Variants in ZRSR2 observed in about 807,000 individuals in gnomAD.
ZRSR2 encodes the protein U2 small nuclear ribonucleoprotein auxiliary factor 35 kDa subunit-related protein 2.
A neutral mutation model predicts 39.4 loss-of-function variants in ZRSR2; 3 were observed. That is an observed-to-expected ratio of 0.08 (90% CI 0.03 to 0.20). ZRSR2 has a LOEUF of 0.20. Ranked by LOEUF, ZRSR2 falls within the 10% of genes least tolerant of loss-of-function variation. ZRSR2 has a pLI of 1.00. For missense variants in ZRSR2, 256 were observed against 391.5 expected (o/e 0.65, Z 2.92); for synonymous variants, 137 against 136.0 (o/e 1.01, Z -0.05).
intron 2 of ZRSR2, among the ~76,000 whole-genome samples, chrX:15,791,877 G>A (rs1043432965): frequency 9.0e-6 from 1 of 110,681 alleles, no homozygotes; most frequent in African/African-American, 3.3e-5. Context: ...GGCCAGGCTG[G>A]TTTCGAACTT....
chrX:15,807,260 A>G lies in ZRSR2; in HGVS notation c.400-973A>G, dbSNP rs571568048. Among the ~76,000 whole-genome samples the G allele has an allele frequency of 2.2e-3, 248 of 111,629 alleles. 1 individual carries two copies. Among genetic ancestry groups the G allele is most frequent in the Middle Eastern group, 4.7e-3 (1 of 215 alleles). ...CTGCTAAATGTTTATGATTTCATCT[A>G]GCATTGTTTTTTGGGTTTTTTCGTT... On this transcript the variant is annotated intron_variant, in intron 5 of 10. Transcript: ENST00000307771.
intron 1 of ZRSR2, 115 bp from the exon 2 acceptor site, chrX:15,790,819 G>C: frequency 1.3e-6 from 1 of 741,931 alleles, no homozygotes; most frequent in Admixed American, 2.8e-5. Flanking sequence ...CAGGAAGCAA[G>C]GTTTCTCTCC....
intron 2 of ZRSR2, among the ~76,000 whole-genome samples, chrX:15,794,735 A>G (rs1932392372): frequency 8.9e-6 from 1 of 111,903 alleles, no homozygotes; most frequent in African/African-American, 3.2e-5. Flanking sequence ...TTGCAGAAAT[A>G]CATTATAATT....
intron 9 of ZRSR2, among the ~76,000 whole-genome samples, chrX:15,819,075 C>T (rs1601827498): frequency 9.0e-6 from 1 of 110,851 alleles, no homozygotes; most frequent in Non-Finnish European, 1.9e-5. Flanking sequence ...TTTGGCCCAG[C>T]TTTCATATAT....
intron 2 of ZRSR2, among the ~76,000 whole-genome samples, chrX:15,795,216 A>G (rs1407693210): frequency 9.2e-6 from 1 of 109,170 alleles, no homozygotes; most frequent in Non-Finnish European, 1.9e-5. Context: ...GGGCTTGATG[A>G]TTTTCATGGC....
chrX:15,792,564 A>T (rs1485485897), intron 2 of ZRSR2, among the ~76,000 whole-genome samples: 1 of 112,635 alleles, frequency 8.9e-6, no homozygotes, highest in African/African-American at 3.2e-5. Context: ...TATGGCACTG[A>T]TGGGAGTTTG....
intron 5 of ZRSR2, 70 bp downstream of exon 5, chrX:15,804,267 GT>G (rs1270531216): frequency 2.0e-4 from 201 of 1,014,976 alleles, no homozygotes; most frequent in South Asian, 3.6e-4. Context: ...CAGAGTTTGG[GT>G]TTTTTTTTTC....
Position 15,820,234 on chromosome X carries a change from T to C in ZRSR2, c.855T>C (p.Ser285=). 5 of 1,211,556 alleles carry C rather than the reference T, an allele frequency of 4.1e-6. No homozygotes were observed. Among genetic ancestry groups the C allele is most frequent in the Non-Finnish European group, 5.6e-6 (5 of 895,187 alleles). ...AAGAAGAATGCCAAGCAGCCCTTTC[T>C]CTGTTTAACGGACGATGGTATGCAG... The part of the protein sequence containing the change: ...QSEEECQAAL[S]LFNGRWYAGR... The change falls in exon 10 of 11, where the codon TCT becomes TCC. Residue 285 remains serine (S), a synonymous_variant. Coordinates refer to ENST00000307771, the MANE Select transcript of ZRSR2 (RefSeq NM_005089.4).
In ZRSR2 at chrX:15,815,820, A is replaced by G. The variant is rs1932962332; in HGVS notation, c.701A>G (p.Gln234Arg). ...SLEYSEEETY[Q>R]QFLDFYEDVL... ...GAGTACAGCGAGGAAGAAACCTACCAACAGTTCCTAGACTTCTATGAGGAT... is the reference window on the plus strand; with the variant it reads ...GAGTACAGCGAGGAAGAAACCTACCGACAGTTCCTAGACTTCTATGAGGAT... The change falls in exon 8 of 11, where the codon CAA becomes CGA. Residue 234 changes from glutamine to arginine, a missense_variant. This residue lies in a region of ZRSR2 where 58 missense variants were observed against 163.1 expected (regional missense o/e 0.36). Transcript: ENST00000307771. 8.3e-7 allele frequency: 1 copy of G among 1,211,001 alleles called. No homozygotes were observed. Among genetic ancestry groups the G allele is most frequent in the African/African-American group, 1.7e-5 (1 of 57,680 alleles).
rs145200101 is a variant in ZRSR2, at chrX:15,821,163, G to A, written c.937+847G>A. 5.2e-3 allele frequency among the ~76,000 whole-genome samples: 583 copies of A among 111,121 alleles called. 3 individuals carry two copies. The highest frequency in any genetic ancestry group is 0.018 in the African/African-American group (557 of 30,496). Reference sequence around the variant, plus strand: ...GAAAGATTTTAGGATTCCTGGCTAAGGGAAACCAGAAGAACCATTACACTT... The same window carrying A: ...GAAAGATTTTAGGATTCCTGGCTAAAGGAAACCAGAAGAACCATTACACTT... On this transcript the variant is annotated intron_variant, in intron 10 of 10. Transcript: ENST00000307771.
At chrX:15,820,431 C>T in intron 10 of ZRSR2, 115 bp downstream of exon 10, 3 of 645,009 alleles carry the variant, frequency 4.7e-6, no homozygotes, top group Non-Finnish European at 7.4e-6. Flanking sequence ...TTGCCTCACA[C>T]AGTAGATGAG....
At chrX:15,800,868 A>C (rs957188485) in intron 3 of ZRSR2, among the ~76,000 whole-genome samples, 3 of 112,534 alleles carry the variant, frequency 2.7e-5, no homozygotes, top group Admixed American at 9.4e-5. Flanking sequence ...CATATGTAAA[A>C]AGTTGCAGTA....
At chrX:15,796,197 A>G (rs1475890412) in intron 2 of ZRSR2, among the ~76,000 whole-genome samples, 1 of 111,283 alleles carries the variant, frequency 9.0e-6, no homozygotes, top group East Asian at 2.8e-4. Context: ...CCCGGCCATC[A>G]TGACTTTTCT....
At chrX:15,811,983 G>A (rs1932890944) in intron 7 of ZRSR2, among the ~76,000 whole-genome samples, 2 of 111,605 alleles carry the variant, frequency 1.8e-5, no homozygotes, top group African/African-American at 3.3e-5. Context: ...AGGCTGGAGT[G>A]CAGTGGCACG....
At chrX:15,791,990 G>C (rs186867409) in intron 2 of ZRSR2, among the ~76,000 whole-genome samples, 1 of 112,025 alleles carries the variant, frequency 8.9e-6, no homozygotes, top group Non-Finnish European at 1.9e-5. Context: ...AATTTTCGTA[G>C]AGACGGGATT....
chrX:15,823,144 C>A lies in ZRSR2; in HGVS notation c.1351C>A (p.Arg451Ser). The A allele has an allele frequency of 1.1e-5, 13 of 1,202,851 alleles. 1 individual carries two copies. Among genetic ancestry groups the A allele is most frequent in the Non-Finnish European group, 1.5e-5 (13 of 891,525 alleles). The part of the protein sequence containing the change: ...SRSRSRSRRS[R>S]RSRSQSSSRS... ...GAGCCGGAGCCGGAGCCGCAGGAGC[C>A]GCCGCAGCCGGAGCCAAAGTTCCTC... The change falls in exon 11 of 11, where the codon CGC (arginine) becomes AGC (serine). Residue 451 changes from arginine to serine, a missense_variant. Arg to Ser is a moderately radical substitution (Grantham distance 110, BLOSUM62 -1). Around this residue, in one of 3 missense-constraint regions of ZRSR2, gnomAD observed 111 missense variants for 116.7 expected, o/e 0.95. Transcript: ENST00000307771.
intron 7 of ZRSR2, among the ~76,000 whole-genome samples, chrX:15,815,120 T>C (rs1367693943): frequency 8.9e-6 from 1 of 112,059 alleles, no homozygotes; most frequent in Non-Finnish European, 1.9e-5. Context: ...GAATGGTATA[T>C]GAACTTTGAA....
At chrX:15,807,522 T>G (rs1326389519) in intron 5 of ZRSR2, among the ~76,000 whole-genome samples, 1 of 108,097 alleles carries the variant, frequency 9.3e-6, no homozygotes, top group African/African-American at 3.4e-5. Context: ...ACTCCTGACC[T>G]CAAGTGATCC....
chrX:15,806,493 C>G (rs997029621), intron 5 of ZRSR2, among the ~76,000 whole-genome samples: 1 of 111,250 alleles, frequency 9.0e-6, no homozygotes, highest in Non-Finnish European at 1.9e-5. Flanking sequence ...GTGGCGTGAT[C>G]TCTGCTTACT....
Sources: allele counts gnomAD v4.1 joint callset (sites outside exome capture counted in the v4.1 genomes callset), GRCh38; gene constraint gnomAD v4.1.1; regional missense constraint gnomAD v4.1.1; transcripts MANE v1.5; gene names NCBI Gene and HGNC (gene_info 2026-07-23, HGNC 2026-07-21).